TBC1D12: variants seen among roughly 807,000 people sequenced by gnomAD.
TBC1D12 encodes TBC1 domain family member 12, also known as TBC1 domain family, member 12.
A neutral mutation model predicts 86.7 loss-of-function variants in TBC1D12; 56 were observed. The ratio of observed to expected loss-of-function variants is 0.65; its 90% CI spans 0.52 to 0.81. The LOEUF is 0.81. Ranked by LOEUF, TBC1D12 falls within the 30% of genes least tolerant of loss-of-function variation. The probability of loss-of-function intolerance (pLI) is 0.00; values close to 1 mark genes in which losing one functional copy is unlikely to be tolerated. For missense variants in TBC1D12, 1,023 were observed against 1,038.8 expected (o/e 0.98, Z 0.21); for synonymous variants, 421 against 411.7 (o/e 1.02, Z -0.27).
intron 3 of TBC1D12, among the ~76,000 whole-genome samples, chr10:94,485,191 T>A (rs1468154823): frequency 1.3e-5 from 2 of 152,146 alleles, no homozygotes. Context: ...GAAGAAACGC[T>A]TCAGTTTTTT....
intron 6 of TBC1D12, among the ~76,000 whole-genome samples, chr10:94,503,899 A>G (rs1392401229): frequency 2.6e-5 from 4 of 152,268 alleles, no homozygotes; most frequent in African/African-American, 9.6e-5. Flanking sequence ...TGCTGGGCTT[A>G]CAGGCATGAG....
In TBC1D12 at chr10:94,435,814, T is replaced by G. The variant is rs1011243488; in HGVS notation, c.972-6082T>G. 1.8e-4 allele frequency among the ~76,000 whole-genome samples: 28 copies of G among 152,342 alleles called. No individual in the cohort carries two copies. In the South Asian group the frequency reaches 5.8e-3, roughly 32 times the overall value. Reference sequence around the variant, plus strand: ...TTCTAAAGCTTTCAAAAGTTTGCCTTTCGTGTATAACTGTTTGATACATTG... The same window carrying G: ...TTCTAAAGCTTTCAAAAGTTTGCCTGTCGTGTATAACTGTTTGATACATTG... On this transcript the variant is annotated intron_variant, in intron 1 of 12. Coordinates refer to ENST00000225235, the MANE Select transcript of TBC1D12 (RefSeq NM_015188.2).
intron 3 of TBC1D12, among the ~76,000 whole-genome samples, chr10:94,487,701 T>TTC (rs1427589511): frequency 1.4e-5 from 2 of 147,700 alleles, no homozygotes; most frequent in East Asian, 3.9e-4. Flanking sequence ...TCTCTTTTTT[T>TTC]TTTTTTTTTT....
chr10:94,492,175 C>T (rs1374659883), intron 3 of TBC1D12, among the ~76,000 whole-genome samples: 2 of 152,054 alleles, frequency 1.3e-5, no homozygotes, highest in Non-Finnish European at 2.9e-5. Flanking sequence ...TTAAATTAAA[C>T]TTTATCATAG....
intron 11 of TBC1D12, among the ~76,000 whole-genome samples, chr10:94,523,586 A>T (rs1157205450): frequency 6.6e-6 from 1 of 152,156 alleles, no homozygotes; most frequent in Non-Finnish European, 1.5e-5. Flanking sequence ...TGTAAATACG[A>T]TATACTTTCT....
At chr10:94,531,491 T>C in intron 12 of TBC1D12, 31 bp downstream of exon 12, 3 of 1,591,892 alleles carry the variant, frequency 1.9e-6, no homozygotes, top group Non-Finnish European at 1.7e-6. Flanking sequence ...CTTTAATAGA[T>C]GTGTTAAAGC....
intron 11 of TBC1D12, among the ~76,000 whole-genome samples, chr10:94,523,901 T>C (rs995519602): frequency 1.1e-4 from 16 of 152,190 alleles, no homozygotes; most frequent in African/African-American, 3.9e-4. Context: ...CACAGGAGTT[T>C]AAGGTTACAG....
chr10:94,406,355 C>T (rs2054853988), intron 1 of TBC1D12, among the ~76,000 whole-genome samples: 1 of 152,160 alleles, frequency 6.6e-6, no homozygotes, highest in Admixed American at 6.5e-5. Flanking sequence ...CTCTAAGCCT[C>T]ATTTTTCCTG....
chr10:94,503,589 C>G lies in TBC1D12; in HGVS notation c.1519+3262C>G, dbSNP rs186150529. Among the ~76,000 whole-genome samples, 232 of 152,178 alleles carry G rather than the reference C, an allele frequency of 1.5e-3. 1 individual carries two copies. The highest frequency in any genetic ancestry group is 7.0e-3 in the Admixed American group (107 of 15,282). On this transcript the variant is annotated intron_variant, in intron 6 of 12. Coordinates refer to ENST00000225235, the MANE Select transcript of TBC1D12 (RefSeq NM_015188.2). ...TTTAAAATTTGATTTTCACAAGTCT[C>G]CTGTAATAAACATATTATTTTATTT...
chr10:94,499,221 T>C (rs2056363352), intron 5 of TBC1D12, among the ~76,000 whole-genome samples: 1 of 152,218 alleles, frequency 6.6e-6, no homozygotes, highest in African/African-American at 2.4e-5. Context: ...TCATTATTAT[T>C]TATTATAGTC....
At chr10:94,488,597 G>A (rs1375882228) in intron 3 of TBC1D12, among the ~76,000 whole-genome samples, 1 of 148,590 alleles carries the variant, frequency 6.7e-6, no homozygotes, top group Admixed American at 6.7e-5. Context: ...TTACCATGTT[G>A]GCCAGGCTGG....
chr10:94,527,500 GTTT>G (rs34075470), intron 11 of TBC1D12, among the ~76,000 whole-genome samples: 1 of 148,478 alleles, frequency 6.7e-6, no homozygotes, highest in Non-Finnish European at 1.5e-5. Context: ...ATTCTGTGGG[GTTT>G]TTTTTTTTAT....
At chr10:94,454,670 T>G (rs2055599292) in intron 2 of TBC1D12, among the ~76,000 whole-genome samples, 1 of 152,254 alleles carries the variant, frequency 6.6e-6, no homozygotes, top group Non-Finnish European at 1.5e-5. Context: ...TTTTACATTT[T>G]AAATTTTACT....
At chr10:94,458,287 C>T (rs74153356) in intron 2 of TBC1D12, among the ~76,000 whole-genome samples, 1,570 of 152,166 alleles carry the variant, frequency 0.01, 41 homozygotes, top group African/African-American at 0.036. Context: ...TGCTTAGCCC[C>T]TCACCGCATG....
chr10:94,403,043 C>T lies in TBC1D12; in HGVS notation c.430C>T (p.Arg144Trp). 1.9e-6 allele frequency: 3 copies of T among 1,559,758 alleles called. No homozygotes were observed. Among genetic ancestry groups the T allele is most frequent in the Non-Finnish European group, 2.6e-6 (3 of 1,157,862 alleles). ...TNGDSGFLPGRDCRDLEEARG... is the reference protein window; with the variant it reads ...TNGDSGFLPGWDCRDLEEARG... The stretch of plus-strand genomic sequence containing the variant: ...CGGCGACTCGGGTTTTCTGCCGGGC[C>T]GGGACTGTCGCGATCTGGAAGAGGC... The change falls in exon 1 of 13, where the codon CGG becomes TGG. Residue 144 changes from arginine to tryptophan, a missense_variant. Physicochemically the swap from Arg to Trp is moderately radical, Grantham distance 101. Coordinates refer to ENST00000225235, the MANE Select transcript of TBC1D12 (RefSeq NM_015188.2).
At chr10:94,507,241 A>G in intron 6 of TBC1D12, 26 bp from the exon 7 acceptor site, 7 of 1,595,688 alleles carry the variant, frequency 4.4e-6, no homozygotes, top group African/African-American at 1.4e-5. Flanking sequence ...TTATTCATAC[A>G]TTTTTGTTCT....
intron 7 of TBC1D12, chr10:94,509,214 C>T (rs2056498183): frequency 6.7e-6 from 1 of 150,184 alleles, no homozygotes; most frequent in African/African-American, 2.5e-5. Context: ...AAGCAATTCT[C>T]CTGCCTCAGT....
intron 1 of TBC1D12, among the ~76,000 whole-genome samples, chr10:94,408,985 AC>A (rs1407394457): frequency 6.6e-6 from 1 of 152,206 alleles, no homozygotes; most frequent in African/African-American, 2.4e-5. Flanking sequence ...TGAAAATAAT[AC>A]GTAATTAATT....
intron 3 of TBC1D12, among the ~76,000 whole-genome samples, chr10:94,483,978 A>G (rs2056121109): frequency 6.6e-6 from 1 of 152,130 alleles, no homozygotes; most frequent in South Asian, 2.1e-4. Flanking sequence ...ATAGGGGTCT[A>G]GTTTTATTCT....
Sources: allele counts gnomAD v4.1 joint callset (sites outside exome capture counted in the v4.1 genomes callset), GRCh38; gene constraint gnomAD v4.1.1; transcripts MANE v1.5; gene names NCBI Gene and HGNC (gene_info 2026-07-23, HGNC 2026-07-21).